Variants in TMBIM6 observed in about 807,000 individuals in gnomAD.
The protein encoded by TMBIM6 is bax inhibitor 1.
TMBIM6 carries 13 observed loss-of-function variants against 31.4 expected under a neutral mutation model. The observed-to-expected ratio is 0.41, with a 90% CI of 0.27 to 0.66. The LOEUF (loss-of-function observed/expected upper bound fraction) is 0.66, where lower values mean the gene tolerates loss of function less well. Ranked by LOEUF, TMBIM6 falls within the 30% of genes least tolerant of loss-of-function variation. TMBIM6 has a pLI of 0.28. For missense variants in TMBIM6, 275 were observed against 289.5 expected (o/e 0.95, Z 0.36); for synonymous variants, 85 against 101.7 (o/e 0.84, Z 0.99).
intron 1 of TMBIM6, among the ~76,000 whole-genome samples, chr12:49,744,217 T>C (rs374331495): frequency 1.3e-3 from 199 of 152,216 alleles, no homozygotes; most frequent in South Asian, 0.011. Context: ...TAGTCAGGAG[T>C]ATTAGTATAG....
intron 1 of TMBIM6, among the ~76,000 whole-genome samples, chr12:49,747,597 T>C (rs1246236168): frequency 6.6e-6 from 1 of 152,184 alleles, no homozygotes; most frequent in Non-Finnish European, 1.5e-5. Flanking sequence ...GTGTGAGACA[T>C]TGTGCATGGC....
intron 8 of TMBIM6, among the ~76,000 whole-genome samples, chr12:49,760,350 AAG>A (rs1945692492): frequency 6.6e-6 from 1 of 152,062 alleles, no homozygotes; most frequent in African/African-American, 2.4e-5. Flanking sequence ...TACTGTGCTC[AAG>A]CAGTACTCCT....
At chr12:49,742,733 T>C (rs895630618) in intron 1 of TMBIM6, 13 of 154,418 alleles carry the variant, frequency 8.4e-5, no homozygotes, top group African/African-American at 2.7e-4. Flanking sequence ...ACATTTCTTA[T>C]GACCTGCGTA....
chr12:49,742,481 C>T (rs1391232727), intron 1 of TMBIM6: 13 of 569,804 alleles, frequency 2.3e-5, no homozygotes, highest in Non-Finnish European at 3.1e-5. Context: ...GGTCATCAGC[C>T]TTTCATTGAC....
chr12:49,758,940 G>T (rs968720429), intron 7 of TMBIM6, 178 bp downstream of exon 7: 4 of 663,420 alleles, frequency 6.0e-6, no homozygotes, highest in Non-Finnish European at 2.6e-6. Flanking sequence ...ACAAGGTTGG[G>T]CATTGCTAAG....
Position 49,762,855 on chromosome 12 carries a change from AT to A in TMBIM6, c.691-13del. ...CAAATGTCAAAAAATTAATTGGGTGATTTTTCTCCATTTCTAGGATAAGAAG... is the reference window on the plus strand; with the variant it reads ...CAAATGTCAAAAAATTAATTGGGTGATTTTCTCCATTTCTAGGATAAGAAG... On this transcript the variant is annotated splice_polypyrimidine_tract_variant and intron_variant, in intron 9 of 9. Coordinates refer to ENST00000267115, the MANE Select transcript of TMBIM6 (RefSeq NM_003217.3). 1 of 1,611,642 alleles carries A rather than the reference AT, an allele frequency of 6.2e-7. No homozygotes were observed. The highest frequency in any genetic ancestry group is 8.5e-7 in the Non-Finnish European group (1 of 1,178,048).
chr12:49,764,925 C>G lies in TMBIM6; in HGVS notation c.*2029C>G, dbSNP rs1945790999. The G allele has an allele frequency of 6.6e-6, 1 of 152,030 alleles. No homozygotes were observed. The highest frequency in any genetic ancestry group is 1.5e-5 in the Non-Finnish European group (1 of 68,016). 9.4% of individuals were successfully genotyped at this position (152,030 alleles called of 1,614,324 possible). A position where few individuals can be genotyped will look rare whatever the true frequency, so the allele number is the denominator to read the frequency against. ...AATTTGTAAAAAATAAAGAAAATTC[C>G]TTAACCTTTCCTGGTGTTTGTGTTA... is the stretch of plus-strand genomic sequence containing the variant. On this transcript the variant is annotated 3_prime_UTR_variant, in exon 10 of 10. Coordinates refer to ENST00000267115, the MANE Select transcript of TMBIM6 (RefSeq NM_003217.3).
intron 1 of TMBIM6, among the ~76,000 whole-genome samples, chr12:49,742,979 T>G (rs2136922184): frequency 8.0e-6 from 1 of 124,552 alleles, no homozygotes; most frequent in South Asian, 2.6e-4. Context: ...AGTACCTTCC[T>G]CCTCTTTTTT....
At chr12:49,751,523 CA>C (rs1360085186) in intron 1 of TMBIM6, among the ~76,000 whole-genome samples, 1 of 151,994 alleles carries the variant, frequency 6.6e-6, no homozygotes, top group Non-Finnish European at 1.5e-5. Context: ...AAATACCCCC[CA>C]AAAAATCCTC....
At chr12:49,748,603 G>A (rs1206824723) in intron 1 of TMBIM6, among the ~76,000 whole-genome samples, 1 of 152,158 alleles carries the variant, frequency 6.6e-6, no homozygotes, top group African/African-American at 2.4e-5. Flanking sequence ...TCCTCTCCTG[G>A]GATGAAGGCA....
At chr12:49,746,082 T>C (rs1026764903) in intron 1 of TMBIM6, among the ~76,000 whole-genome samples, 4 of 148,188 alleles carry the variant, frequency 2.7e-5, no homozygotes, top group Admixed American at 6.7e-5. Flanking sequence ...TTTTCTCTCT[T>C]TTTTTTTTTT....
At chr12:49,755,361 C>T (rs758039111) in intron 3 of TMBIM6, among the ~76,000 whole-genome samples, 1 of 152,108 alleles carries the variant, frequency 6.6e-6, no homozygotes. Context: ...GCAAGACTCA[C>T]TCATAGTTTG....
chr12:49,741,737 C>T (rs144997980), intron 1 of TMBIM6, 126 bp downstream of exon 1: 2 of 225,438 alleles, frequency 8.9e-6, no homozygotes, highest in Non-Finnish European at 9.1e-6. Context: ...AGGAACGAGG[C>T]CCTGCTCGGA....
intron 1 of TMBIM6, among the ~76,000 whole-genome samples, chr12:49,747,482 A>T (rs545631849): frequency 2.1e-4 from 31 of 150,616 alleles, no homozygotes; most frequent in African/African-American, 7.6e-4. Flanking sequence ...CTAATTTTTT[A>T]ATTGTTTGCA....
chr12:49,756,084 C>T (rs761881048), intron 4 of TMBIM6, among the ~76,000 whole-genome samples: 2 of 151,892 alleles, frequency 1.3e-5, no homozygotes, highest in Non-Finnish European at 2.9e-5. Flanking sequence ...CCGCCCGTCT[C>T]GGCCTCCTAA....
At chr12:49,753,129 GAAAAAACCAGC>G (rs1290698247) in intron 3 of TMBIM6, 48 bp downstream of exon 3, 1 of 1,526,032 alleles carries the variant, frequency 6.6e-7, no homozygotes, top group Non-Finnish European at 9.0e-7. Flanking sequence ...ATTACATTAG[GAAAAAACCAGC>G]TCAGCAAGGT....
At position 49,752,960 on chromosome 12, in the gene TMBIM6, A is replaced by G; in HGVS notation, c.57-13A>G. The stretch of plus-strand genomic sequence containing the variant: ...TCTGGGACTGATTGCTCTTATTCAC[A>G]TTCTTTTCTTAGAACCCCGTCAACG... On this transcript the variant is annotated splice_polypyrimidine_tract_variant and intron_variant, in intron 2 of 9. Transcript: ENST00000267115. 7 of 1,612,310 alleles carry G rather than the reference A, an allele frequency of 4.3e-6. No individual in the cohort carries two copies. Among genetic ancestry groups the G allele is most frequent in the South Asian group, 1.1e-5 (1 of 90,818 alleles).
At chr12:49,761,082 C>G (rs187418826) in intron 8 of TMBIM6, among the ~76,000 whole-genome samples, 1 of 151,700 alleles carries the variant, frequency 6.6e-6, no homozygotes, top group Non-Finnish European at 1.5e-5. Context: ...AGGTGATGCC[C>G]GCCTCAGCCT....
chr12:49,757,401 A>G (rs1379523254), intron 4 of TMBIM6, among the ~76,000 whole-genome samples: 1 of 152,246 alleles, frequency 6.6e-6, no homozygotes, highest in African/African-American at 2.4e-5. Flanking sequence ...CAATTATCAT[A>G]GGAGCTTCTG....
Sources: allele counts gnomAD v4.1 joint callset (sites outside exome capture counted in the v4.1 genomes callset), GRCh38; gene constraint gnomAD v4.1.1; transcripts MANE v1.5; gene names NCBI Gene and HGNC (gene_info 2026-07-23, HGNC 2026-07-21).